ROBO1: variants seen among roughly 807,000 people sequenced by gnomAD.
The protein encoded by ROBO1 is roundabout guidance receptor 1.
A neutral mutation model predicts 195.9 loss-of-function variants in ROBO1; 149 were observed. That is an observed-to-expected ratio of 0.76 (90% CI 0.67 to 0.87). The LOEUF is 0.87. Ranked by LOEUF, ROBO1 falls within the 40% of genes least tolerant of loss-of-function variation. The pLI is 0.00. For synonymous variants in ROBO1, 816 were observed against 733.2 expected, an observed-to-expected ratio of 1.11 and a Z score of -1.82; for missense variants, 1,933 against 2,068.3, an observed-to-expected ratio of 0.93 and a Z score of 1.27.
In ROBO1 at chr3:78,948,345, C is replaced by G. The variant is rs569231037; in HGVS notation, c.173-9418G>C. ...TCAAGTGGGCTTCATCCCTGGGATG[C>G]AAGGCTGGTTCAACATACACAAATC... On this transcript the variant is annotated intron_variant, in intron 3 of 30. Transcript: ENST00000464233. 2.6e-5 allele frequency among the ~76,000 whole-genome samples: 4 copies of G among 152,270 alleles called. No individual in the cohort carries two copies. The South Asian group carries it at 8.3e-4, about 32-fold the overall frequency.
rs185273884 is a variant in ROBO1, at chr3:78,860,830, C to T, written c.499+77771G>A. Among the ~76,000 whole-genome samples, 519 of 152,240 alleles carry T rather than the reference C, an allele frequency of 3.4e-3. 1 individual carries two copies. Among genetic ancestry groups the T allele is most frequent in the Admixed American group, 7.5e-3 (114 of 15,298 alleles). On this transcript the variant is annotated intron_variant, in intron 4 of 30. Transcript: ENST00000464233. The stretch of plus-strand genomic sequence containing the variant: ...TAGAGAGGAAACTTTCCCACCTTCA[C>T]CCGAAATTCTATCTTCAGTTATGAA...
chr3:79,685,204 T>A (rs762002817), intron 1 of ROBO1, among the ~76,000 whole-genome samples: 2 of 152,194 alleles, frequency 1.3e-5, no homozygotes, highest in Non-Finnish European at 2.9e-5. Flanking sequence ...TAATGCCATG[T>A]ATCAGTAAAT....
chr3:79,062,082 A>C (rs1217981601), intron 3 of ROBO1, among the ~76,000 whole-genome samples: 1 of 152,076 alleles, frequency 6.6e-6, no homozygotes, highest in Non-Finnish European at 1.5e-5. Flanking sequence ...GATGGGAAAA[A>C]ATTTTTGCAA....
intron 3 of ROBO1, among the ~76,000 whole-genome samples, chr3:79,119,640 GTTTAA>G (rs1279757768): frequency 1.3e-5 from 2 of 152,096 alleles, no homozygotes; most frequent in Non-Finnish European, 2.9e-5. Flanking sequence ...AGTAGAGATG[GTTTAA>G]TTTATCTTCA....
intron 3 of ROBO1, among the ~76,000 whole-genome samples, chr3:79,059,366 T>C (rs1038368781): frequency 2.6e-5 from 4 of 152,068 alleles, no homozygotes; most frequent in Non-Finnish European, 4.4e-5. Flanking sequence ...TACTGGGGGC[T>C]CCACTGTAGT....
chr3:78,663,182 A>C (rs1707531066), intron 14 of ROBO1, among the ~76,000 whole-genome samples: 1 of 152,018 alleles, frequency 6.6e-6, no homozygotes, highest in African/African-American at 2.4e-5. Flanking sequence ...AGGAATACTA[A>C]GAATGAGATC....
chr3:79,744,629 C>G (rs1221886994), intron 1 of ROBO1, among the ~76,000 whole-genome samples: 1 of 152,068 alleles, frequency 6.6e-6, no homozygotes, highest in Non-Finnish European at 1.5e-5. Context: ...TTCTCAGTCT[C>G]CAGAACTATG....
intron 2 of ROBO1, among the ~76,000 whole-genome samples, chr3:79,483,525 G>A (rs2107398025): frequency 6.6e-6 from 1 of 152,276 alleles, no homozygotes; most frequent in Non-Finnish European, 1.5e-5. Context: ...ACATCACAAA[G>A]GGTACTTTCA....
At chr3:79,442,505 T>C (rs991302868) in intron 2 of ROBO1, among the ~76,000 whole-genome samples, 7 of 152,164 alleles carry the variant, frequency 4.6e-5, no homozygotes, top group Admixed American at 3.3e-4. Flanking sequence ...GTTGGACTTA[T>C]GGAAGGCATT....
chr3:79,025,867 TC>T (rs1327395410), intron 3 of ROBO1, among the ~76,000 whole-genome samples: 1 of 152,136 alleles, frequency 6.6e-6, no homozygotes, highest in Non-Finnish European at 1.5e-5. Context: ...AACCAACTTT[TC>T]CCAGAAGACT....
In ROBO1 at chr3:78,922,265, C is replaced by G. The variant is rs545545379; in HGVS notation, c.499+16336G>C. 8.3e-4 allele frequency among the ~76,000 whole-genome samples: 126 copies of G among 152,120 alleles called. No homozygotes were observed. In the Middle Eastern group the frequency reaches 0.01, roughly 12 times the overall value. Reference sequence around the variant, plus strand: ...ATTCCCTGACCCCCAAGTCATCAACCAAAAATGTTCAGGAAAATCATGGAG... The same window carrying G: ...ATTCCCTGACCCCCAAGTCATCAACGAAAAATGTTCAGGAAAATCATGGAG... On this transcript the variant is annotated intron_variant, in intron 4 of 30. Coordinates refer to ENST00000464233, the MANE Select transcript of ROBO1 (RefSeq NM_002941.4).
At chr3:78,959,083 A>T (rs890824359) in intron 3 of ROBO1, among the ~76,000 whole-genome samples, 8 of 152,110 alleles carry the variant, frequency 5.3e-5, no homozygotes. Context: ...GAATACAGGC[A>T]TGAGCACTGT....
At chr3:79,720,885 C>T (rs1215582882) in intron 1 of ROBO1, among the ~76,000 whole-genome samples, 1 of 151,690 alleles carries the variant, frequency 6.6e-6, no homozygotes, top group Non-Finnish European at 1.5e-5. Context: ...CTCCGCCTCC[C>T]AGGTTCACGC....
intron 1 of ROBO1, among the ~76,000 whole-genome samples, chr3:79,624,689 A>G (rs1309676213): frequency 1.3e-5 from 2 of 152,194 alleles, no homozygotes; most frequent in South Asian, 4.1e-4. Context: ...GACCACCCAG[A>G]TCCATAAAAC....
chr3:79,534,148 C>CAAA lies in ROBO1; in HGVS notation c.88+55673_88+55675dup, dbSNP rs5850434. Among the ~76,000 whole-genome samples the CAAA allele has an allele frequency of 2.2e-3, 134 of 59,966 alleles. 3 individuals are homozygous for CAAA. Among genetic ancestry groups the CAAA allele is most frequent in the African/African-American group, 7.8e-3 (125 of 16,004 alleles). 39.3% of individuals were successfully genotyped at this position (59,966 alleles called of 152,430 possible). A position where few individuals can be genotyped will look rare whatever the true frequency, so the allele number is the denominator to read the frequency against. ...GGAAGACTCTAGATGCTGGGGAAGG[C>CAAA]AAAAAAAAAAAAAAAAAAAAAAAAA... On this transcript the variant is annotated intron_variant, in intron 2 of 30. Transcript: ENST00000464233.
At chr3:79,231,364 T>G (rs2082318450) in intron 2 of ROBO1, among the ~76,000 whole-genome samples, 3 of 151,690 alleles carry the variant, frequency 2.0e-5, no homozygotes, top group African/African-American at 7.3e-5. Context: ...TTAAATAAAT[T>G]TATAAGAAAA....
chr3:79,505,544 G>A lies in ROBO1; in HGVS notation c.88+84280C>T, dbSNP rs539577382. Among the ~76,000 whole-genome samples, 32 of 152,230 alleles carry A rather than the reference G, an allele frequency of 2.1e-4. No individual in the cohort carries two copies. The Middle Eastern group carries it at 0.01, about 49-fold the overall frequency. On this transcript the variant is annotated intron_variant, in intron 2 of 30. Transcript: ENST00000464233. ...CATGCTGAGAGAGAAGAAGAGAGGA[G>A]TCTATTTTAGCATCTGAAAACCAAT...
At chr3:79,045,379 G>A (rs2078571952) in intron 3 of ROBO1, among the ~76,000 whole-genome samples, 1 of 151,988 alleles carries the variant, frequency 6.6e-6, no homozygotes, top group East Asian at 1.9e-4. Flanking sequence ...ATGATTTGTT[G>A]TGTTAGCTTC....
At chr3:79,385,014 A>G (rs2106653960) in intron 2 of ROBO1, among the ~76,000 whole-genome samples, 1 of 152,224 alleles carries the variant, frequency 6.6e-6, no homozygotes, top group East Asian at 1.9e-4. Context: ...GATACTACAC[A>G]AATTGCAATA....
Sources: gnomAD v4.1 joint callset for allele counts (sites outside exome capture counted in the v4.1 genomes callset) on GRCh38, gnomAD v4.1.1 for gene constraint, MANE v1.5 for transcripts, NCBI Gene and HGNC (gene_info 2026-07-23, HGNC 2026-07-21) for gene names.